HACL1: variants seen among roughly 807,000 people sequenced by gnomAD.
The protein encoded by HACL1 is 1600020H07Rik.
A neutral mutation model predicts 74.2 loss-of-function variants in HACL1; 64 were observed. The ratio of observed to expected loss-of-function variants is 0.86; its 90% confidence interval spans 0.70 to 1.06. The LOEUF (loss-of-function observed/expected upper bound fraction) is 1.06. HACL1 is among the 50% of genes least tolerant of loss of function. The probability of loss-of-function intolerance (pLI) is 0.00; values close to 1 mark genes in which losing one functional copy is unlikely to be tolerated. For synonymous variants in HACL1, 230 were observed against 238.8 expected, an observed-to-expected ratio of 0.96 and a Z score of 0.34; for missense variants, 728 against 719.7, an observed-to-expected ratio of 1.01 and a Z score of -0.13.
chr3:15,588,121 T>C (rs2063824639), intron 5 of HACL1, among the ~76,000 whole-genome samples: 1 of 141,922 alleles, frequency 7.0e-6, no homozygotes, highest in African/African-American at 2.6e-5. Flanking sequence ...CTCAAACTCC[T>C]GACCTCAGGT....
At chr3:15,576,200 T>C (rs2063624746) in intron 9 of HACL1, among the ~76,000 whole-genome samples, 1 of 151,082 alleles carries the variant, frequency 6.6e-6, no homozygotes, top group Non-Finnish European at 1.5e-5. Context: ...CATTAAGTTC[T>C]TAAATACAAC....
chr3:15,575,507 G>A (rs1011985343), intron 9 of HACL1, among the ~76,000 whole-genome samples: 3 of 151,964 alleles, frequency 2.0e-5, no homozygotes, highest in Admixed American at 2.0e-4. Context: ...TTTTTACATA[G>A]TTGAGCTTAT....
chr3:15,592,030 TAC>T (rs1472283847), intron 3 of HACL1, among the ~76,000 whole-genome samples: 10 of 134,300 alleles, frequency 7.4e-5, no homozygotes, highest in African/African-American at 1.1e-4. Context: ...ACACACTACA[TAC>T]GTATATATAC....
chr3:15,564,994 G>A (rs915138102), intron 14 of HACL1, among the ~76,000 whole-genome samples: 10 of 152,062 alleles, frequency 6.6e-5, no homozygotes, highest in Admixed American at 1.3e-4. Context: ...GTGAAACCCC[G>A]TCTCTACTAA....
chr3:15,594,202 G>A (rs2064014735), intron 3 of HACL1, among the ~76,000 whole-genome samples: 1 of 152,164 alleles, frequency 6.6e-6, no homozygotes, highest in African/African-American at 2.4e-5. Flanking sequence ...GAGTCTAGGA[G>A]TTCAAGACCA....
intron 14 of HACL1, among the ~76,000 whole-genome samples, chr3:15,566,527 A>G (rs2063436453): frequency 6.6e-6 from 1 of 152,114 alleles, no homozygotes; most frequent in African/African-American, 2.4e-5. Context: ...ATGGTGGTGC[A>G]TGCCTGTGAT....
chr3:15,601,268 C>A, intron 1 of HACL1, 74 bp from the exon 2 acceptor site: 2 of 1,547,892 alleles, frequency 1.3e-6, no homozygotes, highest in Non-Finnish European at 1.8e-6. Context: ...CCCTCCCGGG[C>A]GCTAAAAGGA....
In HACL1 at chr3:15,563,373, G is replaced by A. The variant is rs2063378396; in HGVS notation, c.1689C>T (p.Ala563=). Residue 563 remains alanine (A), a synonymous_variant, in exon 16 of 17, where the codon GCC becomes GCT. Transcript: ENST00000321169. The stretch of plus-strand genomic sequence containing the variant: ...CTGTATTTACCTGGGCCTTCCGTGT[G>A]GCTTGTGGCTCAATCATGATGTTGA... ...SLINIMIEPQ[A]TRKAQDFHWL... 1 of 1,612,656 alleles carries A rather than the reference G, an allele frequency of 6.2e-7. No individual in the cohort carries two copies.
intron 14 of HACL1, among the ~76,000 whole-genome samples, chr3:15,566,363 T>C (rs1323392461): frequency 6.6e-6 from 1 of 152,228 alleles, no homozygotes; most frequent in East Asian, 1.9e-4. Context: ...CACCTCAGAA[T>C]TTAGCTGGGG....
intron 2 of HACL1, chr3:15,600,806 C>T (rs748635716): frequency 6.2e-6 from 3 of 483,674 alleles, no homozygotes; most frequent in Non-Finnish European, 1.1e-5. Context: ...CCAATCATGA[C>T]ATACAGTATA....
rs1212231949 is a variant in HACL1 at position 15,572,849 on chromosome 3, T to C, written c.993+310A>G. On this transcript the variant is annotated intron_variant, in intron 11 of 16. Transcript: ENST00000321169. The stretch of plus-strand genomic sequence containing the variant: ...GTAAGTTCAGTTCCTTTGGAAGGTA[T>C]ACTTTTTCAGATAGCTGGATGCTAT... 3.3e-5 allele frequency among the ~76,000 whole-genome samples: 5 copies of C among 152,256 alleles called. No individual in the cohort carries two copies. In the East Asian group the frequency reaches 9.6e-4, roughly 29 times the overall value.
chr3:15,597,459 ATGCTGAG>A (rs1242619262), intron 2 of HACL1, among the ~76,000 whole-genome samples: 1 of 151,676 alleles, frequency 6.6e-6, no homozygotes, highest in Non-Finnish European at 1.5e-5. Flanking sequence ...ACCTGGGAAA[ATGCTGAG>A]TGCTCTCTCA....
At chr3:15,593,960 G>A in intron 3 of HACL1, among the ~76,000 whole-genome samples, 1 of 151,876 alleles carries the variant, frequency 6.6e-6, no homozygotes, top group Non-Finnish European at 1.5e-5. Context: ...ACCACACCCG[G>A]CTAATTTTTG....
intron 9 of HACL1, among the ~76,000 whole-genome samples, chr3:15,575,370 C>T (rs929486962): frequency 1.8e-4 from 27 of 151,874 alleles, no homozygotes; most frequent in Non-Finnish European, 3.4e-4. Flanking sequence ...ACACTGTAGG[C>T]AATCCAGAAA....
chr3:15,584,893 G>C (rs186031659), intron 7 of HACL1, among the ~76,000 whole-genome samples: 3 of 151,952 alleles, frequency 2.0e-5, no homozygotes, highest in East Asian at 3.9e-4. Context: ...TTTATCCTGA[G>C]TCCTAATACT....
intron 14 of HACL1, among the ~76,000 whole-genome samples, chr3:15,567,085 G>T (rs2063447353): frequency 6.6e-6 from 1 of 151,700 alleles, no homozygotes; most frequent in South Asian, 2.1e-4. Context: ...CACCCAAAGT[G>T]TTGGGATTAC....
intron 16 of HACL1, 65 bp from the exon 17 acceptor site, chr3:15,560,962 GT>G: frequency 8.4e-7 from 1 of 1,197,466 alleles, no homozygotes; most frequent in Non-Finnish European, 1.2e-6. Context: ...TATCCTCATT[GT>G]TTCACTTGTT....
chr3:15,595,911 G>A (rs930835570), intron 3 of HACL1: 1 of 152,542 alleles, frequency 6.6e-6, no homozygotes, highest in Non-Finnish European at 1.5e-5. Flanking sequence ...GTGCCTAGTC[G>A]ATTTTCATTT....
At chr3:15,566,881 C>T (rs900873400) in intron 14 of HACL1, among the ~76,000 whole-genome samples, 6 of 137,194 alleles carry the variant, frequency 4.4e-5, no homozygotes, top group Admixed American at 1.6e-4. Context: ...TGCAGTGGTG[C>T]GATCTTGGCT....
Sources: gnomAD v4.1 joint callset for allele counts (sites outside exome capture counted in the v4.1 genomes callset) on GRCh38, gnomAD v4.1.1 for gene constraint, MANE v1.5 for transcripts, NCBI Gene and HGNC (gene_info 2026-07-23, HGNC 2026-07-21) for gene names.